HMBOX1: variants seen among roughly 807,000 people sequenced by gnomAD.
HMBOX1 encodes the protein homeobox-containing protein 1.
Under a neutral mutation model 54.5 loss-of-function variants are expected in HMBOX1, and 14 were observed. The observed-to-expected ratio is 0.26, with a 90% CI of 0.17 to 0.40. HMBOX1 has a LOEUF of 0.40. HMBOX1 is among the 10% of genes least tolerant of loss of function. The probability of loss-of-function intolerance (pLI) is 1.00; values close to 1 mark genes in which losing one functional copy is unlikely to be tolerated. For synonymous variants in HMBOX1, 160 were observed against 181.0 expected (o/e 0.88, Z 0.93); for missense variants, 332 against 514.4 (o/e 0.65, Z 3.43).
intron 1 of HMBOX1, among the ~76,000 whole-genome samples, chr8:28,898,370 ATT>A: frequency 6.6e-6 from 1 of 152,244 alleles, no homozygotes; most frequent in African/African-American, 2.4e-5. Context: ...TCCTGGTAGA[ATT>A]ATTTTTTCCT....
intron 6 of HMBOX1, among the ~76,000 whole-genome samples, chr8:29,035,338 A>G (rs1157050371): frequency 6.6e-6 from 1 of 152,102 alleles, no homozygotes; most frequent in Non-Finnish European, 1.5e-5. Context: ...TTTGTAAGTG[A>G]CCAGTTTATA....
chr8:28,898,958 CA>C (rs1812687508), intron 1 of HMBOX1, among the ~76,000 whole-genome samples: 1 of 152,166 alleles, frequency 6.6e-6, no homozygotes, highest in Admixed American at 6.5e-5. Flanking sequence ...TGGTGTTGAA[CA>C]AGGCACTCAG....
At chr8:29,038,605 TAA>T (rs1469179836) in intron 6 of HMBOX1, among the ~76,000 whole-genome samples, 1 of 152,184 alleles carries the variant, frequency 6.6e-6, no homozygotes, top group Non-Finnish European at 1.5e-5. Flanking sequence ...GGAAGGTTAA[TAA>T]CAGTGTGTAC....
chr8:28,934,971 C>T (rs1018674050), intron 1 of HMBOX1, among the ~76,000 whole-genome samples: 6 of 151,620 alleles, frequency 4.0e-5, no homozygotes, highest in African/African-American at 1.5e-4. Context: ...TTCTGTACAC[C>T]GTTATATTAG....
chr8:29,007,254 A>C (rs1833593607), intron 4 of HMBOX1, among the ~76,000 whole-genome samples: 1 of 152,070 alleles, frequency 6.6e-6, no homozygotes, highest in Non-Finnish European at 1.5e-5. Context: ...ACGCCACTGC[A>C]CTCCAGTCTG....
intron 3 of HMBOX1, among the ~76,000 whole-genome samples, chr8:28,971,153 G>A (rs1191903384): frequency 6.8e-6 from 1 of 147,786 alleles, no homozygotes; most frequent in Non-Finnish European, 1.5e-5. Flanking sequence ...GTGCAATGGC[G>A]TGATCTCGGC....
At chr8:28,915,633 G>A (rs1457405091) in intron 1 of HMBOX1, 2 of 151,266 alleles carry the variant, frequency 1.3e-5, no homozygotes, top group Admixed American at 6.6e-5. Flanking sequence ...TATATTCACA[G>A]GTGTATGAGA....
At chr8:28,988,479 TAC>T (rs1189659295) in intron 4 of HMBOX1, among the ~76,000 whole-genome samples, 1 of 152,162 alleles carries the variant, frequency 6.6e-6, no homozygotes, top group African/African-American at 2.4e-5. Flanking sequence ...TTGGTAAATA[TAC>T]GTTTAACTTT....
intron 6 of HMBOX1, among the ~76,000 whole-genome samples, chr8:29,034,323 C>T (rs1261468622): frequency 2.0e-5 from 3 of 152,166 alleles, no homozygotes; most frequent in South Asian, 2.1e-4. Flanking sequence ...CCTACTTTGA[C>T]ACGTCGTCCA....
At chr8:29,044,170 G>A (rs1805242773) in intron 6 of HMBOX1, among the ~76,000 whole-genome samples, 2 of 152,116 alleles carry the variant, frequency 1.3e-5, no homozygotes, top group Non-Finnish European at 2.9e-5. Context: ...CCTCAGGAAG[G>A]GCTGGGGCCT....
intron 1 of HMBOX1, among the ~76,000 whole-genome samples, chr8:28,932,908 CCAATAAACT>C (rs1819705376): frequency 6.6e-6 from 1 of 152,118 alleles, no homozygotes; most frequent in African/African-American, 2.4e-5. Context: ...AAGGCAGTTT[CCAATAAACT>C]AGATCATTTT....
At chr8:29,048,239 T>G (rs1430660063) in intron 8 of HMBOX1, among the ~76,000 whole-genome samples, 13 of 152,240 alleles carry the variant, frequency 8.5e-5, no homozygotes, top group Admixed American at 8.5e-4. Flanking sequence ...ATATGGATTC[T>G]TGATGTAATC....
chr8:28,995,657 T>C (rs1217354097), intron 4 of HMBOX1, among the ~76,000 whole-genome samples: 1 of 152,244 alleles, frequency 6.6e-6, no homozygotes, highest in Non-Finnish European at 1.5e-5. Context: ...TTATGATAGC[T>C]ATCCTAATGG....
chr8:28,935,411 A>G (rs1407770222), intron 1 of HMBOX1, among the ~76,000 whole-genome samples: 3 of 152,220 alleles, frequency 2.0e-5, no homozygotes, highest in Non-Finnish European at 4.4e-5. Flanking sequence ...ACTTTTGTTT[A>G]TGGCTCATTA....
At chr8:28,913,789 G>T (rs1053294698) in intron 1 of HMBOX1, among the ~76,000 whole-genome samples, 1 of 150,258 alleles carries the variant, frequency 6.7e-6, no homozygotes, top group South Asian at 2.1e-4. Flanking sequence ...GTCTCACTCT[G>T]TCGCCCAGGC....
At chr8:29,015,490 T>G (rs1395257127) in intron 5 of HMBOX1, among the ~76,000 whole-genome samples, 1 of 152,200 alleles carries the variant, frequency 6.6e-6, no homozygotes. Context: ...AGAATAACAT[T>G]TATATAATTT....
chr8:28,895,703 G>A (rs1213031602), intron 1 of HMBOX1, among the ~76,000 whole-genome samples: 2 of 151,754 alleles, frequency 1.3e-5, no homozygotes, highest in Admixed American at 6.6e-5. Flanking sequence ...ATAATGTATT[G>A]TATTGTTAAA....
rs1272872920 is a variant in HMBOX1, at chr8:28,970,898, ACT to A, written c.500+382_500+383del. Among the ~76,000 whole-genome samples, 2 of 151,460 alleles carry A rather than the reference ACT, an allele frequency of 1.3e-5. No homozygotes were observed. Among genetic ancestry groups the A allele is most frequent in the Non-Finnish European group, 2.9e-5 (2 of 67,932 alleles). Reference sequence around the variant, plus strand: ...ATTTTATCTTGATCAGAATATGTACACTCTTAATTTTTCTGTTCAACATTCCA... The same window carrying A: ...ATTTTATCTTGATCAGAATATGTACACTTAATTTTTCTGTTCAACATTCCA... On this transcript the variant is annotated intron_variant, in intron 3 of 9. Coordinates refer to ENST00000287701, the MANE Select transcript of HMBOX1 (RefSeq NM_001135726.3). The surrounding 1 kb of genome is among the most constrained non-coding windows in gnomAD (Gnocchi z 4.3).
intron 1 of HMBOX1, among the ~76,000 whole-genome samples, chr8:28,915,402 A>G (rs1289487675): frequency 6.6e-6 from 1 of 151,630 alleles, no homozygotes; most frequent in African/African-American, 2.4e-5. Context: ...CTAAAAATAC[A>G]AAAAATTAGC....
Sources: allele counts gnomAD v4.1 joint callset (sites outside exome capture counted in the v4.1 genomes callset), GRCh38; gene constraint gnomAD v4.1.1; non-coding constraint Gnocchi (gnomAD v3.1); transcripts MANE v1.5; gene names NCBI Gene and HGNC (gene_info 2026-07-23, HGNC 2026-07-21).